Variants in MROH2A observed in about 807,000 individuals in gnomAD.
The protein encoded by MROH2A is maestro heat like repeat family member 2A, also known as maestro heat-like repeat-containing protein family member 2A.
A neutral mutation model predicts 200.4 loss-of-function variants in MROH2A; 174 were observed. The ratio of observed to expected loss-of-function variants is 0.87; its 90% confidence interval spans 0.77 to 0.98. MROH2A has a LOEUF of 0.98. Among genes scored for constraint, MROH2A ranks in the 50% least tolerant of loss-of-function variants. The pLI, the probability that MROH2A is intolerant of heterozygous loss-of-function variation, is 0.00. For synonymous variants in MROH2A, 829 were observed against 840.4 expected (o/e 0.99, Z 0.23); for missense variants, 2,045 against 2,139.6 (o/e 0.96, Z 0.87).
intron 35 of MROH2A, among the ~76,000 whole-genome samples, chr2:233,826,206 A>G (rs900737659): frequency 6.6e-6 from 1 of 152,172 alleles, no homozygotes; most frequent in South Asian, 2.1e-4. Context: ...TACAGGCGTG[A>G]GCCACCACGC....
rs750113741 is a variant in MROH2A at position 233,816,803 on chromosome 2, C to T, written c.2879C>T (p.Ser960Leu). Reference sequence around the variant, plus strand: ...TAGCTCCTGGAAAAGTGGATCTTGTCGGAGAAAGAATGGGAGCGGGAAAAG... The same window carrying T: ...TAGCTCCTGGAAAAGTGGATCTTGTTGGAGAAAGAATGGGAGCGGGAAAAG... ...MVQLLEKWIL[S>L]EKEWEREKAV... Residue 960 changes from serine to leucine, a missense_variant, in exon 27 of 42, where the codon TCG (serine) becomes TTG (leucine). Coordinates refer to ENST00000389758, the MANE Select transcript of MROH2A (RefSeq NM_001394639.1). 33 of 1,550,056 alleles carry T rather than the reference C, an allele frequency of 2.1e-5. 1 individual carries two copies. The highest frequency in any genetic ancestry group is 5.9e-5 in the Admixed American group (3 of 50,984).
chr2:233,795,227 T>A (rs1219486116), intron 8 of MROH2A, among the ~76,000 whole-genome samples: 2 of 152,186 alleles, frequency 1.3e-5, no homozygotes, highest in African/African-American at 4.8e-5. Context: ...GTTGCAGTGT[T>A]CCGCGTGGAG....
intron 25 of MROH2A, 133 bp downstream of exon 25, chr2:233,813,911 C>T: frequency 3.7e-6 from 2 of 534,828 alleles, no homozygotes; most frequent in South Asian, 5.7e-5. Flanking sequence ...CAAGCTCTAT[C>T]AGTAAATGTA....
chr2:233,778,843 T>C (rs564640004), intron 1 of MROH2A, among the ~76,000 whole-genome samples: 1 of 152,364 alleles, frequency 6.6e-6, no homozygotes, highest in East Asian at 1.9e-4. Context: ...AGAACATCCA[T>C]TGATTATCTC....
intron 9 of MROH2A, 49 bp from the exon 10 acceptor site, chr2:233,795,918 A>G (rs1575934774): frequency 6.5e-7 from 1 of 1,541,072 alleles, no homozygotes; most frequent in South Asian, 1.2e-5. Flanking sequence ...CTGCCCCTGC[A>G]CCTGTGTCCC....
At chr2:233,792,979 G>A in intron 6 of MROH2A, 85 bp downstream of exon 6, 1 of 1,326,446 alleles carries the variant, frequency 7.5e-7, no homozygotes, top group African/African-American at 1.5e-5. Context: ...TGGAGGGGTT[G>A]TTGAAAAAGA....
chr2:233,799,189 C>G (rs942895414), intron 12 of MROH2A, among the ~76,000 whole-genome samples: 2 of 152,190 alleles, frequency 1.3e-5, no homozygotes, highest in Non-Finnish European at 2.9e-5. Context: ...AGGGGTACTC[C>G]TCTACCCATC....
Position 233,783,232 on chromosome 2 carries a change from G to A in MROH2A, c.276+3380G>A, listed in dbSNP as rs181887690. Among the ~76,000 whole-genome samples the A allele has an allele frequency of 2.0e-5, 3 of 152,208 alleles. No individual in the cohort carries two copies. The East Asian group carries it at 5.8e-4, about 29-fold the overall frequency. On this transcript the variant is annotated intron_variant, in intron 3 of 41. Transcript: ENST00000389758. ...CTATCAGGGTAATGCTGGCCTTGTA[G>A]TATGAGTTTGGCAGTATTCCCTCCT...
At chr2:233,782,529 A>C (rs1287924410) in intron 3 of MROH2A, among the ~76,000 whole-genome samples, 1 of 152,198 alleles carries the variant, frequency 6.6e-6, no homozygotes, top group Non-Finnish European at 1.5e-5. Flanking sequence ...GCCATTTGGC[A>C]TATACTAATG....
chr2:233,789,683 A>G (rs1450332680), intron 4 of MROH2A, 55 bp downstream of exon 4: 1 of 1,439,896 alleles, frequency 6.9e-7, no homozygotes, highest in Non-Finnish European at 9.2e-7. Context: ...GAGCTGGGCC[A>G]CGGGGGGCCT....
At chr2:233,787,190 T>C (rs1575900327) in intron 3 of MROH2A, among the ~76,000 whole-genome samples, 1 of 152,156 alleles carries the variant, frequency 6.6e-6, no homozygotes, top group East Asian at 1.9e-4. Flanking sequence ...AAGATTATTC[T>C]TGATCACAAA....
chr2:233,792,223 C>T (rs114301883), intron 5 of MROH2A, among the ~76,000 whole-genome samples: 2,061 of 152,116 alleles, frequency 0.014, 17 homozygotes, highest in Middle Eastern at 0.024. Flanking sequence ...CTCCCTCTCT[C>T]GGACCTCCTC....
chr2:233,819,283 G>A (rs763234340), intron 29 of MROH2A, 34 bp from the exon 30 acceptor site: 254 of 1,538,004 alleles, frequency 1.7e-4, no homozygotes, highest in Non-Finnish European at 2.2e-4. Context: ...GGAGTGGCAG[G>A]GGAGGGCAGG....
chr2:233,818,597 G>C (rs889775294), intron 28 of MROH2A, 55 bp from the exon 29 acceptor site: 2 of 1,120,154 alleles, frequency 1.8e-6, no homozygotes, highest in Admixed American at 2.0e-5. Flanking sequence ...CACGAAGGGG[G>C]GGTGGCTGGG....
chr2:233,802,438 T>C, intron 15 of MROH2A, 123 bp downstream of exon 15: 4 of 1,101,914 alleles, frequency 3.6e-6, no homozygotes, highest in Non-Finnish European at 5.1e-6. Context: ...AACATCCAAG[T>C]CCAAATTAAT....
At chr2:233,806,338 C>T (rs1466837574) in intron 19 of MROH2A, among the ~76,000 whole-genome samples, 1 of 152,078 alleles carries the variant, frequency 6.6e-6, no homozygotes, top group Non-Finnish European at 1.5e-5. Flanking sequence ...TCTACTACTT[C>T]CTGTTTGTTT....
At chr2:233,798,912 G>A (rs1433245047) in intron 12 of MROH2A, 62 bp downstream of exon 12, 1 of 1,370,176 alleles carries the variant, frequency 7.3e-7, no homozygotes, top group East Asian at 2.5e-5. Flanking sequence ...GAGGCAAAGG[G>A]AAGTCTGGGC....
Position 233,817,056 on chromosome 2 carries a change from G to A in MROH2A, c.2961+171G>A, listed in dbSNP as rs575696537. Among the ~76,000 whole-genome samples, 579 of 152,322 alleles carry A rather than the reference G, an allele frequency of 3.8e-3. 5 individuals carry two copies. Among genetic ancestry groups the A allele is most frequent in the Middle Eastern group, 0.017 (5 of 292 alleles). On this transcript the variant is annotated intron_variant, in intron 27 of 41. Coordinates refer to ENST00000389758, the MANE Select transcript of MROH2A (RefSeq NM_001394639.1). ...CCCTGGGCTGGGTCAGGGAGGGAGA[G>A]GGTGGGATTGTGGTTGGCAGAGCTC...
At chr2:233,796,716 C>T (rs923269536) in intron 11 of MROH2A, among the ~76,000 whole-genome samples, 4 of 152,232 alleles carry the variant, frequency 2.6e-5, no homozygotes, top group Non-Finnish European at 5.9e-5. Context: ...AAGAGAACCC[C>T]TGTCCCTAAC....
Sources: gnomAD v4.1 joint callset for allele counts (sites outside exome capture counted in the v4.1 genomes callset) on GRCh38, gnomAD v4.1.1 for gene constraint, MANE v1.5 for transcripts, NCBI Gene and HGNC (gene_info 2026-07-23, HGNC 2026-07-21) for gene names.